UHRF2: variants seen among roughly 807,000 people sequenced by gnomAD.
The protein encoded by UHRF2 is E3 ubiquitin-protein ligase UHRF2.
In UHRF2, 23 loss-of-function variants were observed where a neutral mutation model predicts 96.8. That is an observed-to-expected ratio of 0.24 (90% CI 0.17 to 0.34). The LOEUF is 0.34. Among genes scored for constraint, UHRF2 ranks in the 10% least tolerant of loss-of-function variants. The probability of loss-of-function intolerance (pLI) is 1.00; values close to 1 mark genes in which losing one functional copy is unlikely to be tolerated. For synonymous variants in UHRF2, 385 were observed against 332.6 expected (o/e 1.16, Z -1.72); for missense variants, 685 against 981.5 (o/e 0.70, Z 4.04).
chr9:6,479,778 A>C (rs1473658078), intron 6 of UHRF2, among the ~76,000 whole-genome samples: 4 of 152,128 alleles, frequency 2.6e-5, no homozygotes, highest in Non-Finnish European at 5.9e-5. Flanking sequence ...GCTAAACTTC[A>C]TCCCAATTCT....
At position 6,504,425 on chromosome 9, in the gene UHRF2, CATATA is replaced by C. The variant is rs541653702; in HGVS notation, c.2164-164_2164-160del. 932 of 512,696 alleles carry C rather than the reference CATATA, an allele frequency of 1.8e-3. 9 individuals carry two copies. The highest frequency in any genetic ancestry group is 0.016 in the African/African-American group (827 of 51,672). The allele number at this position is 512,696 out of a possible 1,614,324, so 31.8% of individuals were successfully genotyped here. A position where few individuals can be genotyped will look rare whatever the true frequency, so the allele number is the denominator to read the frequency against. ...GTGAAATTTTGATATGTTCATATAA[CATATA>C]ATAAATCAGGGTAATTGGAATGTTC... On this transcript the variant is annotated intron_variant, in intron 14 of 15. Transcript: ENST00000276893.
intron 3 of UHRF2, among the ~76,000 whole-genome samples, chr9:6,458,170 C>G (rs1178964534): frequency 6.6e-6 from 1 of 152,120 alleles, no homozygotes; most frequent in Non-Finnish European, 1.5e-5. Context: ...TGTTATTGGT[C>G]TCAATTTCGG....
intron 12 of UHRF2, chr9:6,498,878 G>T (rs1178146613): frequency 6.6e-6 from 1 of 152,226 alleles, no homozygotes; most frequent in Non-Finnish European, 1.5e-5. Context: ...TGCCCACACT[G>T]CATGTGTAGG....
chr9:6,499,942 AT>A lies in UHRF2; in HGVS notation c.2005+13del. 1 of 1,571,424 alleles carries A rather than the reference AT, an allele frequency of 6.4e-7. No individual in the cohort carries two copies. Among genetic ancestry groups the A allele is most frequent in the Non-Finnish European group, 8.7e-7 (1 of 1,145,976 alleles). ...GGCCAATTTCAGATGGTAGGTAATG[AT>A]TGCAAAATATAAATAATAATAACAT... On this transcript the variant is annotated intron_variant, in intron 13 of 15. Coordinates refer to ENST00000276893, the MANE Select transcript of UHRF2 (RefSeq NM_152896.3).
At chr9:6,416,735 T>G (rs1819628600) in intron 1 of UHRF2, among the ~76,000 whole-genome samples, 1 of 150,598 alleles carries the variant, frequency 6.6e-6, no homozygotes. Context: ...GAGACGGGGT[T>G]TCACCGTGGT....
chr9:6,484,234 T>TTTTTG (rs966643602), intron 8 of UHRF2, among the ~76,000 whole-genome samples: 1 of 151,850 alleles, frequency 6.6e-6, no homozygotes, highest in Non-Finnish European at 1.5e-5. Flanking sequence ...CCTGGCTGTG[T>TTTTTG]TTTTGTTTTG....
chr9:6,420,371 A>G (rs1378653276), intron 1 of UHRF2, among the ~76,000 whole-genome samples: 1 of 147,838 alleles, frequency 6.8e-6, no homozygotes, highest in Non-Finnish European at 1.5e-5. Context: ...TTTTGTTTTA[A>G]TGGCTAGCAG....
intron 2 of UHRF2, chr9:6,422,905 T>C (rs1820015909): frequency 1.1e-5 from 4 of 368,584 alleles, no homozygotes; most frequent in African/African-American, 2.1e-5. Context: ...TTTGCTGATA[T>C]AGAGAAATGA....
At chr9:6,441,303 G>A (rs1340134013) in intron 3 of UHRF2, among the ~76,000 whole-genome samples, 3 of 152,068 alleles carry the variant, frequency 2.0e-5, no homozygotes, top group African/African-American at 4.8e-5. Context: ...GAGCCCAGGA[G>A]GTGGAGGTTG....
At chr9:6,454,859 C>T (rs1822082264) in intron 3 of UHRF2, among the ~76,000 whole-genome samples, 1 of 152,160 alleles carries the variant, frequency 6.6e-6, no homozygotes, top group Admixed American at 6.5e-5. Flanking sequence ...GGTTTTTAAA[C>T]TTGAGCATGC....
intron 2 of UHRF2, among the ~76,000 whole-genome samples, chr9:6,429,199 A>G (rs1820438258): frequency 6.6e-6 from 1 of 151,842 alleles, no homozygotes; most frequent in Non-Finnish European, 1.5e-5. Context: ...GTACAATGAG[A>G]GAACAATTTT....
At chr9:6,502,387 C>G (rs1358879952) in intron 14 of UHRF2, among the ~76,000 whole-genome samples, 1 of 152,156 alleles carries the variant, frequency 6.6e-6, no homozygotes, top group Non-Finnish European at 1.5e-5. Context: ...TCCTTTAAGT[C>G]TGTATAAATA....
intron 3 of UHRF2, among the ~76,000 whole-genome samples, chr9:6,435,511 A>G (rs1437811845): frequency 1.3e-5 from 2 of 152,216 alleles, no homozygotes; most frequent in Non-Finnish European, 2.9e-5. Flanking sequence ...TTTTTGACGT[A>G]CTACCACAAA....
At chr9:6,425,854 C>G (rs151317843) in intron 2 of UHRF2, among the ~76,000 whole-genome samples, 240 of 152,178 alleles carry the variant, frequency 1.6e-3, no homozygotes, top group African/African-American at 5.3e-3. Context: ...CTTCAACAGA[C>G]AGCAAGGAAA....
chr9:6,462,853 G>A (rs1822632602), intron 4 of UHRF2, among the ~76,000 whole-genome samples: 1 of 152,124 alleles, frequency 6.6e-6, no homozygotes, highest in African/African-American at 2.4e-5. Context: ...CGAGGCAGAG[G>A]TTGCAGTAAG....
chr9:6,476,435 T>G (rs984022136), intron 5 of UHRF2, among the ~76,000 whole-genome samples: 29 of 152,212 alleles, frequency 1.9e-4, no homozygotes, highest in African/African-American at 6.3e-4. Context: ...GCCTTGAATT[T>G]CTGGGAGGTA....
At chr9:6,451,937 TTTGG>T (rs1438949502) in intron 3 of UHRF2, among the ~76,000 whole-genome samples, 1 of 152,098 alleles carries the variant, frequency 6.6e-6, no homozygotes, top group Non-Finnish European at 1.5e-5. Context: ...ACAATGTTAG[TTTGG>T]TTTACGCTTC....
intron 1 of UHRF2, among the ~76,000 whole-genome samples, chr9:6,414,524 C>T (rs780990015): frequency 6.6e-6 from 1 of 152,136 alleles, no homozygotes; most frequent in Non-Finnish European, 1.5e-5. Context: ...TTTTCCTATT[C>T]CACAAGTCTC....
At chr9:6,458,999 T>G (rs1378051480) in intron 3 of UHRF2, among the ~76,000 whole-genome samples, 1 of 152,052 alleles carries the variant, frequency 6.6e-6, no homozygotes, top group East Asian at 1.9e-4. Flanking sequence ...TTCTCACTCA[T>G]AAGTGGAAGT....
Sources: gnomAD v4.1 joint callset for allele counts (sites outside exome capture counted in the v4.1 genomes callset) on GRCh38, gnomAD v4.1.1 for gene constraint, MANE v1.5 for transcripts, NCBI Gene and HGNC (gene_info 2026-07-23, HGNC 2026-07-21) for gene names.